Variants in TSC22D1 observed in about 807,000 individuals in gnomAD.
TSC22D1 encodes TSC22 domain family member 1.
A neutral mutation model predicts 74.2 loss-of-function variants in TSC22D1; 9 were observed. That is an observed-to-expected ratio of 0.12 (90% confidence interval 0.07 to 0.21). TSC22D1 has a LOEUF of 0.21. TSC22D1 is among the 10% of genes least tolerant of loss of function. The probability of loss-of-function intolerance (pLI) is 1.00; values close to 1 mark genes in which losing one functional copy is unlikely to be tolerated. For synonymous variants in TSC22D1, 586 were observed against 492.5 expected, an observed-to-expected ratio of 1.19 and a Z score of -2.51; for missense variants, 1,427 against 1,304.7, an observed-to-expected ratio of 1.09 and a Z score of -1.44.
chr13:44,549,330 A>G (rs2138138209), intron 1 of TSC22D1, among the ~76,000 whole-genome samples: 1 of 152,324 alleles, frequency 6.6e-6, no homozygotes, highest in East Asian at 1.9e-4. Flanking sequence ...GACAGAACAC[A>G]TCTACTTACA....
At chr13:44,569,400 ATT>A (rs1883601091) in intron 1 of TSC22D1, among the ~76,000 whole-genome samples, 1 of 152,168 alleles carries the variant, frequency 6.6e-6, no homozygotes, top group Non-Finnish European at 1.5e-5. Flanking sequence ...GGTGAAAGTG[ATT>A]GTTTCTAGGA....
chr13:44,456,809 GAACT>G (rs1180525588), intron 1 of TSC22D1, among the ~76,000 whole-genome samples: 1 of 152,122 alleles, frequency 6.6e-6, no homozygotes, highest in Non-Finnish European at 1.5e-5. Flanking sequence ...TAAAGTTGAA[GAACT>G]ATCTCAGAAA....
At chr13:44,562,903 C>T (rs1387060128) in intron 1 of TSC22D1, among the ~76,000 whole-genome samples, 2 of 152,042 alleles carry the variant, frequency 1.3e-5, no homozygotes, top group Admixed American at 6.6e-5. Flanking sequence ...GTCAGGAGTT[C>T]GAGACCAGCC....
chr13:44,493,018 T>C (rs1028531079), intron 1 of TSC22D1, among the ~76,000 whole-genome samples: 5 of 152,096 alleles, frequency 3.3e-5, no homozygotes, highest in Non-Finnish European at 7.4e-5. Context: ...ACGGGAGTAA[T>C]GTCAGCAAAG....
At chr13:44,496,557 C>T (rs772745521) in intron 1 of TSC22D1, among the ~76,000 whole-genome samples, 211 of 152,054 alleles carry the variant, frequency 1.4e-3, no homozygotes, top group Non-Finnish European at 2.5e-3. Context: ...TGGTGGCAAG[C>T]GCCTGTAGTC....
chr13:44,576,037 G>A lies in TSC22D1; in HGVS notation c.38C>T (p.Ala13Val). The A allele has an allele frequency of 6.4e-7, 1 of 1,571,598 alleles. No homozygotes were observed. The highest frequency in any genetic ancestry group is 1.1e-5 in the South Asian group (1 of 86,984). The change falls in exon 1 of 3, where the codon GCC becomes GTC. Residue 13 changes from alanine to valine, a missense_variant. Ala to Val is a moderately conservative substitution (Grantham distance 64). Transcript: ENST00000458659. ...CTTCCTAGCGCTAATGTCTGCAGCGGCGGCGGCCGCGGCGGTGGACTCAGG... is the reference window on the plus strand; with the variant it reads ...CTTCCTAGCGCTAATGTCTGCAGCGACGGCGGCCGCGGCGGTGGACTCAGG... ...QPPESTAAAAAAADISARKMA... is the reference protein window; with the variant it reads ...QPPESTAAAAVAADISARKMA...
chr13:44,534,532 A>G (rs1260754644), intron 1 of TSC22D1, among the ~76,000 whole-genome samples: 1 of 152,066 alleles, frequency 6.6e-6, no homozygotes, highest in Non-Finnish European at 1.5e-5. Flanking sequence ...TATCTTGTCC[A>G]TATTCAATAT....
chr13:44,517,763 GTA>G (rs1240121290), intron 1 of TSC22D1, among the ~76,000 whole-genome samples: 76 of 120,100 alleles, frequency 6.3e-4, no homozygotes, highest in Admixed American at 2.0e-3. Context: ...ATGTGTGTGT[GTA>G]TATATATATA....
chr13:44,486,654 C>T (rs1302270510), intron 1 of TSC22D1, among the ~76,000 whole-genome samples: 5 of 152,128 alleles, frequency 3.3e-5, no homozygotes, highest in Non-Finnish European at 7.4e-5. Context: ...GAATTACAGG[C>T]ATACATGGAC....
At chr13:44,551,851 T>C (rs1409901295) in intron 1 of TSC22D1, among the ~76,000 whole-genome samples, 1 of 152,064 alleles carries the variant, frequency 6.6e-6, no homozygotes, top group African/African-American at 2.4e-5. Flanking sequence ...CAGTGAGCTA[T>C]GATTGTGCCA....
At position 44,444,278 on chromosome 13, in the gene TSC22D1, C is replaced by CAAAAAAAAAAAAAAAAAAAA. The variant is rs71070905; in HGVS notation, c.2913-8203_2913-8184dup. On this transcript the variant is annotated intron_variant, in intron 1 of 2. Transcript: ENST00000458659. ...TGGGGAACAGAGCAAGACTCTGTCTCAAAAAAAAAAAAAAAAAAAAAAAAA... is the reference window on the plus strand; with the variant it reads ...TGGGGAACAGAGCAAGACTCTGTCTCAAAAAAAAAAAAAAAAAAAAAAAAAAAAAAAAAAAAAAAAAAAAA... Among the ~76,000 whole-genome samples the CAAAAAAAAAAAAAAAAAAAA allele has an allele frequency of 1.7e-4, 3 of 17,582 alleles. 1 individual carries two copies. The highest frequency in any genetic ancestry group is 2.9e-4 in the Non-Finnish European group (3 of 10,494). 11.5% of individuals were successfully genotyped at this position (17,582 alleles called of 152,430 possible).
At chr13:44,451,227 AC>A (rs1876105841) in intron 1 of TSC22D1, among the ~76,000 whole-genome samples, 1 of 152,166 alleles carries the variant, frequency 6.6e-6, no homozygotes, top group Non-Finnish European at 1.5e-5. Context: ...AAACAGACAG[AC>A]GGCAGCTGCA....
intron 1 of TSC22D1, among the ~76,000 whole-genome samples, chr13:44,558,129 T>C (rs978771387): frequency 6.6e-6 from 1 of 152,190 alleles, no homozygotes; most frequent in Non-Finnish European, 1.5e-5. Flanking sequence ...GGCTAACGAC[T>C]GCTTTTTATA....
chr13:44,484,267 TA>T (rs200365302), intron 1 of TSC22D1, among the ~76,000 whole-genome samples: 6 of 151,982 alleles, frequency 3.9e-5, no homozygotes, highest in East Asian at 1.9e-4. Flanking sequence ...ATGGGAATGC[TA>T]AAAAAAATCC....
At position 44,517,823 on chromosome 13, in the gene TSC22D1, GTGTGTGTATATA is replaced by G. The variant is rs1262827141; in HGVS notation, c.2912+55328_2912+55339del. Among the ~76,000 whole-genome samples, 47 of 36,038 alleles carry G rather than the reference GTGTGTGTATATA, an allele frequency of 1.3e-3. No individual in the cohort carries two copies. The South Asian group carries it at 0.02, about 15-fold the overall frequency. 23.6% of individuals were successfully genotyped at this position (36,038 alleles called of 152,430 possible). On this transcript the variant is annotated intron_variant, in intron 1 of 2. Coordinates refer to ENST00000458659, the MANE Select transcript of TSC22D1 (RefSeq NM_183422.4). The stretch of plus-strand genomic sequence containing the variant: ...TACACACATATATATGTGTGTGTGT[GTGTGTGTATATA>G]TATATATATATATATATATATATTT...
intron 1 of TSC22D1, among the ~76,000 whole-genome samples, chr13:44,471,846 C>T (rs989342365): frequency 2.6e-5 from 4 of 152,150 alleles, no homozygotes; most frequent in African/African-American, 9.7e-5. Context: ...TACCTATACT[C>T]CAAAAATATT....
chr13:44,510,349 G>A (rs867455046), intron 1 of TSC22D1, among the ~76,000 whole-genome samples: 2 of 151,602 alleles, frequency 1.3e-5, no homozygotes, highest in East Asian at 1.9e-4. Flanking sequence ...CCAAGATTGC[G>A]CCAGTGCACT....
intron 1 of TSC22D1, among the ~76,000 whole-genome samples, chr13:44,501,678 G>A (rs1879224106): frequency 6.6e-6 from 1 of 152,152 alleles, no homozygotes; most frequent in South Asian, 2.1e-4. Context: ...GAAGGATAAT[G>A]AGCTAAGAGT....
intron 1 of TSC22D1, among the ~76,000 whole-genome samples, chr13:44,442,753 C>CTAAAAATA (rs1173257584): frequency 6.6e-6 from 1 of 151,592 alleles, no homozygotes; most frequent in Non-Finnish European, 1.5e-5. Context: ...CCCATCTCTA[C>CTAAAAATA]TAAAAATATA....
Sources: allele counts gnomAD v4.1 joint callset (sites outside exome capture counted in the v4.1 genomes callset), GRCh38; gene constraint gnomAD v4.1.1; transcripts MANE v1.5; gene names NCBI Gene and HGNC (gene_info 2026-07-23, HGNC 2026-07-21).